Variants in UTRN observed in about 807,000 individuals in gnomAD.
UTRN encodes the protein utrophin, also known as dystrophin-related protein 1.
In UTRN, 283 loss-of-function variants were observed where a neutral mutation model predicts 463.9. The observed-to-expected ratio is 0.61, with a 90% confidence interval of 0.55 to 0.67. UTRN has a LOEUF of 0.67. Among genes scored for constraint, UTRN ranks in the 30% least tolerant of loss-of-function variants. The pLI is 0.00. For missense variants in UTRN, 3,922 were observed against 4,084.3 expected (o/e 0.96, Z 1.08); for synonymous variants, 1,442 against 1,431.5 (o/e 1.01, Z -0.17).
intron 1 of UTRN, among the ~76,000 whole-genome samples, chr6:144,288,741 A>T (rs1554300473): frequency 1.4e-5 from 2 of 146,196 alleles, no homozygotes; most frequent in Non-Finnish European, 3.0e-5. Context: ...TTTATATCCA[A>T]CTCTCTCTCT....
intron 2 of UTRN, among the ~76,000 whole-genome samples, chr6:144,395,380 G>A (rs1362391071): frequency 6.6e-6 from 1 of 150,444 alleles, no homozygotes; most frequent in Non-Finnish European, 1.5e-5. Flanking sequence ...CATATAATAT[G>A]GTTGATAGAA....
chr6:144,506,655 G>A (rs1391543997), intron 34 of UTRN, among the ~76,000 whole-genome samples: 1 of 152,152 alleles, frequency 6.6e-6, no homozygotes, highest in African/African-American at 2.4e-5. Context: ...GCTTCTCTTT[G>A]TGGGTAACCT....
intron 2 of UTRN, among the ~76,000 whole-genome samples, chr6:144,355,293 G>A (rs1310294859): frequency 6.6e-6 from 1 of 151,916 alleles, no homozygotes; most frequent in Non-Finnish European, 1.5e-5. Context: ...CTGCAACCTG[G>A]GCTCAAGGGA....
At chr6:144,411,844 T>C (rs1462071544) in intron 3 of UTRN, among the ~76,000 whole-genome samples, 11 of 152,190 alleles carry the variant, frequency 7.2e-5, no homozygotes, top group Non-Finnish European at 1.5e-5. Context: ...AAATGGAATC[T>C]TTTTCAATTC....
chr6:144,630,547 G>A (rs1029923089), intron 51 of UTRN, among the ~76,000 whole-genome samples: 1 of 152,126 alleles, frequency 6.6e-6, no homozygotes, highest in African/African-American at 2.4e-5. Context: ...ACTATTATGA[G>A]AGCAGCATGG....
At chr6:144,486,989 TG>T (rs1792518748) in intron 28 of UTRN, among the ~76,000 whole-genome samples, 1 of 152,192 alleles carries the variant, frequency 6.6e-6, no homozygotes, top group Non-Finnish European at 1.5e-5. Context: ...ATAAAAAGTG[TG>T]TATATAAAAC....
At chr6:144,663,914 T>C (rs1780131076) in intron 51 of UTRN, among the ~76,000 whole-genome samples, 1 of 152,224 alleles carries the variant, frequency 6.6e-6, no homozygotes, top group South Asian at 2.1e-4. Flanking sequence ...TTTCAAAGTC[T>C]CCTCATTTAT....
At chr6:144,575,948 C>T (rs190507252) in intron 50 of UTRN, among the ~76,000 whole-genome samples, 26 of 152,270 alleles carry the variant, frequency 1.7e-4, no homozygotes, top group African/African-American at 6.0e-4. Context: ...AACACCTAAT[C>T]TACTTTCTCT....
chr6:144,366,476 C>T (rs1779516381), intron 2 of UTRN, among the ~76,000 whole-genome samples: 1 of 152,130 alleles, frequency 6.6e-6, no homozygotes, highest in African/African-American at 2.4e-5. Flanking sequence ...ATTTAGCTGC[C>T]ACTTAAATGT....
chr6:144,295,147 T>C (rs766829821), intron 2 of UTRN, among the ~76,000 whole-genome samples: 1 of 152,228 alleles, frequency 6.6e-6, no homozygotes, highest in Non-Finnish European at 1.5e-5. Context: ...ACTAAGAATT[T>C]TTAAAAAGTG....
At chr6:144,734,700 C>G (rs546612143) in intron 54 of UTRN, among the ~76,000 whole-genome samples, 1 of 152,288 alleles carries the variant, frequency 6.6e-6, no homozygotes, top group East Asian at 1.9e-4. Context: ...GGTCTAAGCC[C>G]CCACTACCCC....
At chr6:144,565,123 G>T (rs888678673) in intron 50 of UTRN, among the ~76,000 whole-genome samples, 1 of 152,136 alleles carries the variant, frequency 6.6e-6, no homozygotes, top group African/African-American at 2.4e-5. Context: ...TTTGCGATAT[G>T]CCTTGGAAGT....
intron 2 of UTRN, among the ~76,000 whole-genome samples, chr6:144,335,425 C>A (rs1308124502): frequency 6.6e-6 from 1 of 152,220 alleles, no homozygotes; most frequent in African/African-American, 2.4e-5. Context: ...GCCTGTCTTG[C>A]CTCTGCAGCA....
At chr6:144,686,748 A>G (rs781172963) in intron 52 of UTRN, among the ~76,000 whole-genome samples, 6 of 151,710 alleles carry the variant, frequency 4.0e-5, no homozygotes, top group Non-Finnish European at 8.8e-5. Flanking sequence ...CGCATGTCAT[A>G]TTTTCTTCCA....
chr6:144,334,976 T>A (rs1776612799), intron 2 of UTRN, among the ~76,000 whole-genome samples: 1 of 152,162 alleles, frequency 6.6e-6, no homozygotes, highest in Non-Finnish European at 1.5e-5. Context: ...AGTTCAGAGA[T>A]CTCTAAAAGT....
At chr6:144,704,512 G>A (rs1784883949) in intron 53 of UTRN, among the ~76,000 whole-genome samples, 1 of 152,206 alleles carries the variant, frequency 6.6e-6, no homozygotes, top group Non-Finnish European at 1.5e-5. Flanking sequence ...TTTGGGGTAA[G>A]CATTCTTTGT....
intron 2 of UTRN, among the ~76,000 whole-genome samples, chr6:144,353,012 G>A (rs561099663): frequency 2.0e-5 from 3 of 152,088 alleles, no homozygotes; most frequent in East Asian, 3.9e-4. Context: ...GCATGAGCTA[G>A]GTTCACTGTA....
chr6:144,306,746 T>G (rs979595278), intron 2 of UTRN, among the ~76,000 whole-genome samples: 5 of 152,092 alleles, frequency 3.3e-5, no homozygotes, highest in African/African-American at 1.2e-4. Flanking sequence ...TTTTGAGCTC[T>G]TTGCAAGATA....
intron 66 of UTRN, among the ~76,000 whole-genome samples, chr6:144,826,640 T>C (rs1780211294): frequency 6.6e-6 from 1 of 152,150 alleles, no homozygotes; most frequent in African/African-American, 2.4e-5. Flanking sequence ...CACAAGCCCC[T>C]GAGTCAAGCA....
Sources: allele counts gnomAD v4.1 joint callset (sites outside exome capture counted in the v4.1 genomes callset), GRCh38; gene constraint gnomAD v4.1.1; transcripts MANE v1.5; gene names NCBI Gene and HGNC (gene_info 2026-07-23, HGNC 2026-07-21).